Variants in PEX6 observed in about 807,000 individuals in gnomAD.
PEX6 encodes peroxisomal biogenesis factor 6.
PEX6 carries 55 observed loss-of-function variants against 85.6 expected under a neutral mutation model. The ratio of observed to expected loss-of-function variants is 0.64; its 90% CI spans 0.52 to 0.80. The LOEUF (loss-of-function observed/expected upper bound fraction) is 0.80. Among genes scored for constraint, PEX6 ranks in the 30% least tolerant of loss-of-function variants. The probability of loss-of-function intolerance (pLI) is 0.00; values close to 1 mark genes in which losing one functional copy is unlikely to be tolerated. For missense variants in PEX6, 1,099 were observed against 1,260.3 expected, an observed-to-expected ratio of 0.87 and a Z score of 1.94; for synonymous variants, 519 against 549.1, an observed-to-expected ratio of 0.95 and a Z score of 0.77.
intron 3 of PEX6, among the ~76,000 whole-genome samples, chr6:42,973,589 A>G (rs964897028): frequency 6.6e-6 from 1 of 152,122 alleles, no homozygotes; most frequent in Non-Finnish European, 1.5e-5. Context: ...TGAGTGGTGC[A>G]CACCTGTAAT....
At chr6:42,970,053 G>T in intron 3 of PEX6, 66 bp from the exon 4 acceptor site, 1 of 1,282,912 alleles carries the variant, frequency 7.8e-7, no homozygotes. Flanking sequence ...CAAGGACAAG[G>T]TTTCTCAATC....
Position 42,979,152 on chromosome 6 carries a change from G to A in PEX6, c.-2C>T. 1 of 1,577,870 alleles carries A rather than the reference G, an allele frequency of 6.3e-7. No individual in the cohort carries two copies. The highest frequency in any genetic ancestry group is 8.5e-7 in the Non-Finnish European group (1 of 1,170,596). Reference sequence around the variant, plus strand: ...GACCCGCAAGACAGCCAGCGCCATGGTGACAGGACACCAACGAGGAGGGTG... The same window carrying A: ...GACCCGCAAGACAGCCAGCGCCATGATGACAGGACACCAACGAGGAGGGTG... On this transcript the variant is annotated 5_prime_UTR_variant, in exon 1 of 17. Transcript: ENST00000304611.
intron 7 of PEX6, among the ~76,000 whole-genome samples, 162 bp from the exon 8 acceptor site, chr6:42,967,725 T>C (rs572489978): frequency 2.0e-5 from 3 of 152,196 alleles, no homozygotes; most frequent in Non-Finnish European, 2.9e-5. Context: ...GGGAACTGTG[T>C]TTCCCCCATC....
chr6:42,979,167 C>G lies in PEX6; in HGVS notation c.-17G>C. The G allele has an allele frequency of 2.5e-6, 4 of 1,573,328 alleles. No individual in the cohort carries two copies. In the South Asian group the frequency reaches 3.4e-5, roughly 14 times the overall value. ...CAGCGCCATGGTGACAGGACACCAA[C>G]GAGGAGGGTGAAGGAGCGCAGCTTC... is the stretch of plus-strand genomic sequence containing the variant. On this transcript the variant is annotated 5_prime_UTR_variant, in exon 1 of 17. Coordinates refer to ENST00000304611, the MANE Select transcript of PEX6 (RefSeq NM_000287.4).
At chr6:42,977,846 T>C (rs9296408) in intron 1 of PEX6, among the ~76,000 whole-genome samples, 2 of 104,104 alleles carry the variant, frequency 1.9e-5, no homozygotes, top group East Asian at 4.2e-4. Flanking sequence ...ATTATGCTTT[T>C]TTTTTTTTTT....
chr6:42,966,964 G>GTTTTTTTT (rs1181573346), intron 8 of PEX6, 106 bp from the exon 9 acceptor site: 8 of 586,468 alleles, frequency 1.4e-5, no homozygotes, highest in South Asian at 6.0e-5. Flanking sequence ...CCTTAGGTTT[G>GTTTTTTTT]TTGTTTTTTT....
At chr6:42,976,947 G>A (rs1019745615) in intron 1 of PEX6, among the ~76,000 whole-genome samples, 2 of 152,058 alleles carry the variant, frequency 1.3e-5, no homozygotes, top group Admixed American at 6.6e-5. Context: ...TAACAAGATA[G>A]AATAAAATAA....
At chr6:42,976,082 C>T (rs943172806) in intron 1 of PEX6, among the ~76,000 whole-genome samples, 6 of 150,604 alleles carry the variant, frequency 4.0e-5, no homozygotes, top group African/African-American at 7.4e-5. Context: ...TTAGTAGAGA[C>T]GGGGTTTCAC....
chr6:42,965,289 G>A lies in PEX6; in HGVS notation c.2551C>T (p.Pro851Ser), dbSNP rs369587901. ...AGAAGGGCAGGGTCCAGGAGATCTG[G>A]TCTGTTGGTGGCTCCAATCACAAAC... ...DVFVIGATNRPDLLDPALLRP... is the reference protein window; with the variant it reads ...DVFVIGATNRSDLLDPALLRP... Residue 851 changes from proline (P) to serine (S), a missense_variant, in exon 14 of 17, where the codon CCA becomes TCA. By Grantham distance (74) the Pro-to-Ser change is moderately conservative. Around this residue, in one of 3 missense-constraint regions of PEX6, gnomAD observed 514 missense variants for 627.0 expected, o/e 0.82. Transcript: ENST00000304611. The surrounding 1 kb of genome is among the most constrained non-coding windows in gnomAD (Gnocchi z 5.0). 4.3e-6 allele frequency: 7 copies of A among 1,614,050 alleles called. No homozygotes were observed. Among genetic ancestry groups the A allele is most frequent in the Non-Finnish European group, 5.1e-6 (6 of 1,180,000 alleles).
At chr6:42,974,739 A>T in intron 2 of PEX6, 136 bp downstream of exon 2, 1 of 804,640 alleles carries the variant, frequency 1.2e-6, no homozygotes, top group South Asian at 1.4e-5. Context: ...GGGATTACAG[A>T]CGTGAGCCAC....
At position 42,971,137 on chromosome 6, in the gene PEX6, G is replaced by A. The variant is rs1366899772; in HGVS notation, c.1131-1150C>T. Reference sequence around the variant, plus strand: ...CAAAGCTGCTCTCTCTAGCAGCAAAGGGGTGTGAGAGTGCAGCAAGGTGGA... The same window carrying A: ...CAAAGCTGCTCTCTCTAGCAGCAAAAGGGTGTGAGAGTGCAGCAAGGTGGA... On this transcript the variant is annotated intron_variant, in intron 3 of 16. Coordinates refer to ENST00000304611, the MANE Select transcript of PEX6 (RefSeq NM_000287.4). The surrounding 1 kb of genome is among the most constrained non-coding windows in gnomAD (Gnocchi z 4.4). 6.6e-6 allele frequency among the ~76,000 whole-genome samples: 1 copy of A among 152,182 alleles called. No homozygotes were observed. Among genetic ancestry groups the A allele is most frequent in the African/African-American group, 2.4e-5 (1 of 41,430 alleles).
chr6:42,966,299 G>C lies in PEX6; in HGVS notation c.2243C>G (p.Thr748Ser). ...TGCCTTGGCCAGAAGGGTCTTGCCG[G>C]TGCCAGGGGGCCCATGGAGCAGAAG... is the stretch of plus-strand genomic sequence containing the variant. Reference protein sequence around the residue: ...SGLLLHGPPGTGKTLLAKAVA... With the variant: ...SGLLLHGPPGSGKTLLAKAVA... Residue 748 changes from threonine (T) to serine (S), a missense_variant, in exon 11 of 17, where the codon ACC (threonine) becomes AGC (serine). By Grantham distance (58) the Thr-to-Ser change is moderately conservative. This residue lies in a region of PEX6 where 514 missense variants were observed against 627.0 expected (regional missense o/e 0.82). Coordinates refer to ENST00000304611, the MANE Select transcript of PEX6 (RefSeq NM_000287.4). The C allele has an allele frequency of 6.2e-7, 1 of 1,612,654 alleles. No homozygotes were observed. Among genetic ancestry groups the C allele is most frequent in the Non-Finnish European group, 8.5e-7 (1 of 1,179,974 alleles).
Position 42,978,305 on chromosome 6 carries a change from G to A in PEX6, c.846C>T (p.Gly282=), listed in dbSNP as rs1219108908. 3 of 1,614,196 alleles carry A rather than the reference G, an allele frequency of 1.9e-6. No individual in the cohort carries two copies. Among genetic ancestry groups the A allele is most frequent in the Non-Finnish European group, 2.5e-6 (3 of 1,180,038 alleles). The change falls in exon 1 of 17, where the codon GGC becomes GGT. Residue 282 remains glycine, a synonymous_variant. Transcript: ENST00000304611. Reference sequence around the variant, plus strand: ...GCTCTCCCATTTCCAGGGGGTCACAGCCAAGATTAAAAGCCAAAGTGGCAG... The same window carrying A: ...GCTCTCCCATTTCCAGGGGGTCACAACCAAGATTAAAAGCCAAAGTGGCAG... ...LVPATLAFNL[G]CDPLEMGELR...
chr6:42,969,195 C>T (rs1478137040), intron 5 of PEX6, among the ~76,000 whole-genome samples: 2 of 152,244 alleles, frequency 1.3e-5, no homozygotes, highest in Non-Finnish European at 2.9e-5. Flanking sequence ...GCATATCCAA[C>T]AGCCAAAGAC....
rs1450026220 is a variant in PEX6, at chr6:42,968,462, C to T, written c.1516G>A (p.Ala506Thr). The change falls in exon 7 of 17, where the codon GCT becomes ACT. Residue 506 changes from alanine to threonine, a missense_variant. Around this residue, in one of 3 missense-constraint regions of PEX6, gnomAD observed 514 missense variants for 627.0 expected, o/e 0.82. Coordinates refer to ENST00000304611, the MANE Select transcript of PEX6 (RefSeq NM_000287.4). ...CSSLCAESSG[A>T]VETKLQAIFS... ...ATGGCCTGCAGTTTTGTCTCCACAG[C>T]CCCACTACTTTCTGCACAGAGGCTG... The T allele has an allele frequency of 1.3e-6, 2 of 1,597,616 alleles. No individual in the cohort carries two copies. The highest frequency in any genetic ancestry group is 1.1e-5 in the South Asian group (1 of 89,340).
intron 3 of PEX6, among the ~76,000 whole-genome samples, chr6:42,972,045 C>T (rs535738217): frequency 1.1e-4 from 17 of 152,304 alleles, no homozygotes; most frequent in African/African-American, 3.9e-4. Context: ...AGCACCACCA[C>T]CCTGAGACTG....
At position 42,978,670 on chromosome 6, in the gene PEX6, G is replaced by A. The variant is rs1243445966; in HGVS notation, c.481C>T (p.Arg161Cys). ...TCTGGACACAGTCTGGCCCGCCCGC[G>A]GAGCTCAGTCACAGCCAGCCGAGTC... The part of the protein sequence containing the change: ...PGTRLAVTEL[R>C]GRARLCPESG... Residue 161 changes from arginine (R) to cysteine (C), a missense_variant, in exon 1 of 17, where the codon CGC becomes TGC. By Grantham distance (180) the Arg-to-Cys change is radical (BLOSUM62 -3). Around this residue, in one of 3 missense-constraint regions of PEX6, gnomAD observed 579 missense variants for 611.6 expected, o/e 0.95. Coordinates refer to ENST00000304611, the MANE Select transcript of PEX6 (RefSeq NM_000287.4). The A allele has an allele frequency of 9.0e-6, 14 of 1,561,860 alleles. No homozygotes were observed. The highest frequency in any genetic ancestry group is 1.2e-5 in the Non-Finnish European group (14 of 1,161,206).
chr6:42,964,896 G>A lies in PEX6; in HGVS notation c.2700C>T (p.Asn900=), dbSNP rs533766104. 1.2e-4 allele frequency: 197 copies of A among 1,614,154 alleles called. 2 individuals carry two copies. The highest frequency in any genetic ancestry group is 4.1e-4 in the South Asian group (37 of 91,086). ...GCTGGGGAGGGCAGCAATCTAGCAC[G>A]TTTACCAGGCTCACAGATGGCTCTA... ...FKLEPSVSLV[N]VLDCCPPQLT... is the part of the protein sequence containing the mutation. The change falls in exon 16 of 17, where the codon AAC becomes AAT. Residue 900 remains asparagine, a synonymous_variant. Coordinates refer to ENST00000304611, the MANE Select transcript of PEX6 (RefSeq NM_000287.4). This position sits in a 1 kb window ranked among gnomAD's most constrained non-coding sequence, Gnocchi z 4.6.
intron 3 of PEX6, among the ~76,000 whole-genome samples, chr6:42,972,310 A>G (rs1488602645): frequency 6.6e-6 from 1 of 152,228 alleles, no homozygotes; most frequent in East Asian, 1.9e-4. Flanking sequence ...CCCTACACAT[A>G]AGGCTAAAGC....
Sources: gnomAD v4.1 joint callset for allele counts (sites outside exome capture counted in the v4.1 genomes callset) on GRCh38, gnomAD v4.1.1 for gene constraint, gnomAD v4.1.1 regional missense constraint, Gnocchi (gnomAD v3.1) non-coding constraint, MANE v1.5 for transcripts, NCBI Gene and HGNC (gene_info 2026-07-23, HGNC 2026-07-21) for gene names.